The following ERC1 variants were observed in gnomAD, a reference collection of about 807,000 sequenced individuals.
ERC1 encodes the protein ELKS/RAB6-interacting/CAST family member 1.
A neutral mutation model predicts 132.0 loss-of-function variants in ERC1; 56 were observed. The ratio of observed to expected loss-of-function variants is 0.42; its 90% confidence interval spans 0.34 to 0.53. The LOEUF is 0.53. Ranked by LOEUF, ERC1 falls within the 20% of genes least tolerant of loss-of-function variation. The pLI, the probability that ERC1 is intolerant of heterozygous loss-of-function variation, is 0.03. For synonymous variants in ERC1, 478 were observed against 476.1 expected, an observed-to-expected ratio of 1.00 and a Z score of -0.05; for missense variants, 1,202 against 1,349.9, an observed-to-expected ratio of 0.89 and a Z score of 1.72.
intron 2 of ERC1, among the ~76,000 whole-genome samples, chr12:1,036,536 G>A (rs572651939): frequency 1.1e-4 from 16 of 151,936 alleles, no homozygotes; most frequent in African/African-American, 2.2e-4. Flanking sequence ...CACCACGCCC[G>A]GCTAATTTTT....
At chr12:1,142,231 G>A (rs1410532367) in intron 8 of ERC1, among the ~76,000 whole-genome samples, 3 of 152,148 alleles carry the variant, frequency 2.0e-5, no homozygotes, top group Non-Finnish European at 4.4e-5. Flanking sequence ...AAAAATGTGT[G>A]TGTGTCTATT....
chr12:1,355,391 C>T (rs1489741942), intron 15 of ERC1, among the ~76,000 whole-genome samples: 1 of 152,070 alleles, frequency 6.6e-6, no homozygotes, highest in Non-Finnish European at 1.5e-5. Flanking sequence ...TGGCTTTGAC[C>T]ATGAGTGGCA....
chr12:1,236,690 CT>C (rs2075435862), intron 12 of ERC1, 78 bp from the exon 13 acceptor site: 1 of 1,371,852 alleles, frequency 7.3e-7, no homozygotes. Flanking sequence ...CTTATTGTCA[CT>C]GGTGTAAGTC....
At chr12:1,123,436 G>T (rs999425393) in intron 7 of ERC1, among the ~76,000 whole-genome samples, 1 of 152,050 alleles carries the variant, frequency 6.6e-6, no homozygotes, top group Non-Finnish European at 1.5e-5. Context: ...ATAAATCTCA[G>T]TTGGGCTAAA....
rs1591528207 is a variant in ERC1, at chr12:1,360,417, A to G, written c.2781-11416A>G. ...TTACACTTACTTCATTGGGGCTGTC[A>G]TGGCTCAAATATATTTGTGATCCTT... is the stretch of plus-strand genomic sequence containing the variant. On this transcript the variant is annotated intron_variant, in intron 15 of 18. Transcript: ENST00000360905. Among the ~76,000 whole-genome samples the G allele has an allele frequency of 2.0e-5, 3 of 152,316 alleles. No individual in the cohort carries two copies. The East Asian group carries it at 5.8e-4, about 29-fold the overall frequency.
intron 5 of ERC1, 129 bp from the exon 6 acceptor site, chr12:1,112,086 A>C: frequency 4.8e-6 from 3 of 624,232 alleles, no homozygotes; most frequent in Non-Finnish European, 5.7e-6. Context: ...TGAAGAGGGA[A>C]TGAGGGGAAC....
chr12:1,411,651 A>G (rs1056252978), intron 17 of ERC1, among the ~76,000 whole-genome samples: 17 of 152,146 alleles, frequency 1.1e-4, no homozygotes, highest in Non-Finnish European at 2.2e-4. Flanking sequence ...AAGGGTAGGT[A>G]TTTGTCATCA....
chr12:1,091,352 C>G (rs115729900), intron 3 of ERC1, among the ~76,000 whole-genome samples: 4 of 152,144 alleles, frequency 2.6e-5, no homozygotes, highest in Non-Finnish European at 4.4e-5. Flanking sequence ...AGTAGGTACC[C>G]TTTCAGTGGA....
chr12:1,264,132 A>G (rs1168584905), intron 14 of ERC1, among the ~76,000 whole-genome samples: 1 of 152,264 alleles, frequency 6.6e-6, no homozygotes, highest in Non-Finnish European at 1.5e-5. Context: ...TGAAGGACAT[A>G]GAAACCATGC....
chr12:1,402,301 A>C lies in ERC1; in HGVS notation c.2926-5848A>C, dbSNP rs528513593. Among the ~76,000 whole-genome samples the C allele has an allele frequency of 4.2e-3, 642 of 152,318 alleles. 10 individuals are homozygous for C. The highest frequency in any genetic ancestry group is 0.015 in the African/African-American group (616 of 41,574). On this transcript the variant is annotated intron_variant, in intron 16 of 18. Coordinates refer to ENST00000360905, the MANE Select transcript of ERC1 (RefSeq NM_178040.4). ...TCCCAGCACTTTGGGAGGCCAAGGC[A>C]GGTGGATCACTTGAGGTCAGGAGTT...
At chr12:1,306,455 ATC>A (rs1372669453) in intron 15 of ERC1, among the ~76,000 whole-genome samples, 36 of 152,326 alleles carry the variant, frequency 2.4e-4, no homozygotes, top group African/African-American at 8.7e-4. Context: ...GTGTATTTCC[ATC>A]TCTCCATGTA....
intron 2 of ERC1, among the ~76,000 whole-genome samples, chr12:1,071,737 A>G (rs973675962): frequency 2.0e-5 from 3 of 152,160 alleles, no homozygotes; most frequent in African/African-American, 7.2e-5. Context: ...TTTGAAGTCT[A>G]ATTTGTGAAT....
At chr12:1,034,479 A>C (rs769182093) in intron 2 of ERC1, among the ~76,000 whole-genome samples, 1 of 152,170 alleles carries the variant, frequency 6.6e-6, no homozygotes, top group Non-Finnish European at 1.5e-5. Context: ...ATTGCATGTG[A>C]ATAAACACTT....
intron 13 of ERC1, among the ~76,000 whole-genome samples, chr12:1,243,193 C>G (rs1041259738): frequency 1.4e-5 from 1 of 70,854 alleles, no homozygotes; most frequent in South Asian, 4.5e-4. Context: ...GACTCCGTCT[C>G]AAAAAAAAAA....
At chr12:1,078,473 A>G (rs767036321) in intron 2 of ERC1, among the ~76,000 whole-genome samples, 16 of 152,046 alleles carry the variant, frequency 1.1e-4, no homozygotes, top group Non-Finnish European at 1.9e-4. Flanking sequence ...TTCGAAAGAA[A>G]TAGCAGTGCT....
At chr12:1,365,245 A>G (rs2086545116) in intron 15 of ERC1, among the ~76,000 whole-genome samples, 1 of 152,126 alleles carries the variant, frequency 6.6e-6, no homozygotes, top group Non-Finnish European at 1.5e-5. Context: ...AAGTTGCCCA[A>G]AGCTCATGGT....
At chr12:1,199,005 T>C (rs61018220) in intron 12 of ERC1, among the ~76,000 whole-genome samples, 2,508 of 50,800 alleles carry the variant, frequency 0.049, 100 homozygotes, top group Middle Eastern at 0.077. Flanking sequence ...CACCAGGCCC[T>C]ACCTCCAACA....
intron 7 of ERC1, among the ~76,000 whole-genome samples, chr12:1,133,392 C>G (rs1199516042): frequency 6.6e-6 from 1 of 152,194 alleles, no homozygotes; most frequent in African/African-American, 2.4e-5. Flanking sequence ...TTCGCCATGA[C>G]TGATGCCTTG....
At chr12:1,323,169 G>A (rs1223358959) in intron 15 of ERC1, among the ~76,000 whole-genome samples, 6 of 140,046 alleles carry the variant, frequency 4.3e-5, no homozygotes, top group African/African-American at 1.5e-4. Context: ...AATTTTGGAC[G>A]TAAGTGTGCA....
Sources: gnomAD v4.1 joint callset for allele counts (sites outside exome capture counted in the v4.1 genomes callset) on GRCh38, gnomAD v4.1.1 for gene constraint, MANE v1.5 for transcripts, NCBI Gene and HGNC (gene_info 2026-07-23, HGNC 2026-07-21) for gene names.